The following MAP3K20 variants were observed in gnomAD, a reference collection of about 807,000 sequenced individuals.
The protein encoded by MAP3K20 is mitogen-activated protein kinase kinase kinase 20.
MAP3K20 carries 40 observed loss-of-function variants against 85.7 expected under a neutral mutation model. That is an observed-to-expected ratio of 0.47 (90% CI 0.36 to 0.61). MAP3K20 has a LOEUF of 0.61. MAP3K20 is among the 20% of genes least tolerant of loss of function. The pLI is 0.00. For synonymous variants in MAP3K20, 325 were observed against 327.7 expected, an observed-to-expected ratio of 0.99 and a Z score of 0.09; for missense variants, 817 against 961.7, an observed-to-expected ratio of 0.85 and a Z score of 1.99.
At chr2:173,179,648 G>A (rs1215783774) in intron 3 of MAP3K20, among the ~76,000 whole-genome samples, 1 of 149,182 alleles carries the variant, frequency 6.7e-6, no homozygotes, top group Non-Finnish European at 1.5e-5. Flanking sequence ...GATTGGAAAG[G>A]AAGAAATAAA....
chr2:173,157,250 T>G (rs531708817), intron 2 of MAP3K20, among the ~76,000 whole-genome samples: 1 of 152,246 alleles, frequency 6.6e-6, no homozygotes, highest in East Asian at 1.9e-4. Context: ...ACTGAAAGAC[T>G]TCAAATCCCT....
chr2:173,202,472 A>G (rs1456479269), intron 8 of MAP3K20, among the ~76,000 whole-genome samples: 3 of 152,182 alleles, frequency 2.0e-5, no homozygotes, highest in African/African-American at 7.2e-5. Context: ...ATAAGTCTTA[A>G]TACTTATTAC....
intron 15 of MAP3K20, 77 bp from the exon 16 acceptor site, chr2:173,239,327 G>T: frequency 3.6e-6 from 4 of 1,114,892 alleles, no homozygotes; most frequent in Non-Finnish European, 5.0e-6. Flanking sequence ...AAAAAAACTA[G>T]TGCCAAGATA....
chr2:173,143,979 A>C (rs1027572360), intron 2 of MAP3K20, among the ~76,000 whole-genome samples: 1 of 152,124 alleles, frequency 6.6e-6, no homozygotes, highest in Non-Finnish European at 1.5e-5. Flanking sequence ...TGGAAACTAC[A>C]AGACATTTCT....
intron 4 of MAP3K20, among the ~76,000 whole-genome samples, chr2:173,186,011 C>T (rs2106269044): frequency 6.6e-6 from 1 of 152,142 alleles, no homozygotes; most frequent in East Asian, 1.9e-4. Context: ...TCTACAAAAA[C>T]ATTAAATAGA....
At chr2:173,174,808 C>T (rs921105499) in intron 3 of MAP3K20, among the ~76,000 whole-genome samples, 4 of 152,120 alleles carry the variant, frequency 2.6e-5, no homozygotes, top group African/African-American at 9.7e-5. Flanking sequence ...TTTCGGAGTA[C>T]AATGTCTTCA....
At chr2:173,113,049 C>CT (rs1332562595) in intron 2 of MAP3K20, among the ~76,000 whole-genome samples, 1 of 151,708 alleles carries the variant, frequency 6.6e-6, no homozygotes, top group Non-Finnish European at 1.5e-5. Flanking sequence ...TGGTCCTGGA[C>CT]TTTTTTTTGT....
chr2:173,266,059 G>T lies in MAP3K20; in HGVS notation c.1712G>T (p.Cys571Phe). 1 of 1,567,548 alleles carries T rather than the reference G, an allele frequency of 6.4e-7. No individual in the cohort carries two copies. Among genetic ancestry groups the T allele is most frequent in the East Asian group, 2.3e-5 (1 of 42,748 alleles). The change falls in exon 20 of 20, where the codon TGC becomes TTC. Residue 571 changes from cysteine to phenylalanine, a missense_variant. Cys to Phe is a radical substitution (Grantham distance 205). Coordinates refer to ENST00000375213, the MANE Select transcript of MAP3K20 (RefSeq NM_016653.3). ...TCCATTTCTCCCGCAGGTGCTGATT[G>T]CCAGTGGTTAGATACTCTGAGGATG... ...PGSRSDSSADCQWLDTLRMRQ... is the reference protein window; with the variant it reads ...PGSRSDSSADFQWLDTLRMRQ...
rs1040957955 is a variant in MAP3K20, at chr2:173,106,790, A to G, written c.159+15600A>G. Among the ~76,000 whole-genome samples, 6 of 152,302 alleles carry G rather than the reference A, an allele frequency of 3.9e-5. No individual in the cohort carries two copies. In the East Asian group the frequency reaches 1.2e-3, roughly 29 times the overall value. On this transcript the variant is annotated intron_variant, in intron 2 of 19. Coordinates refer to ENST00000375213, the MANE Select transcript of MAP3K20 (RefSeq NM_016653.3). ...TATAGGAACAGGTAATGATAGGTCA[A>G]GGGATTACTGGAGTTCAGGTGCTGG...
At chr2:173,195,208 A>C (rs1342087854) in intron 7 of MAP3K20, among the ~76,000 whole-genome samples, 1 of 149,368 alleles carries the variant, frequency 6.7e-6, no homozygotes, top group East Asian at 2.2e-4. Flanking sequence ...AAAAAAAAAA[A>C]AGCTATTCTA....
intron 2 of MAP3K20, among the ~76,000 whole-genome samples, chr2:173,134,692 T>A (rs1688750034): frequency 6.6e-6 from 1 of 151,712 alleles, no homozygotes; most frequent in Admixed American, 6.6e-5. Context: ...TGTGGCAGCC[T>A]TCAGATATTT....
chr2:173,247,618 C>A (rs1466420734), intron 16 of MAP3K20, among the ~76,000 whole-genome samples: 2 of 152,144 alleles, frequency 1.3e-5, no homozygotes, highest in Admixed American at 6.5e-5. Flanking sequence ...TTCTAGAGAT[C>A]TACTGTACAG....
chr2:173,239,766 G>A (rs1218642332), intron 16 of MAP3K20, among the ~76,000 whole-genome samples: 1 of 152,124 alleles, frequency 6.6e-6, no homozygotes, highest in African/African-American at 2.4e-5. Flanking sequence ...CAGGGAAGGG[G>A]GGCCGTGGAT....
intron 2 of MAP3K20, among the ~76,000 whole-genome samples, chr2:173,155,812 C>T (rs191861379): frequency 3.2e-4 from 48 of 152,224 alleles, no homozygotes; most frequent in African/African-American, 1.0e-3. Flanking sequence ...TTAAACGGAA[C>T]CTTGATCTCT....
intron 1 of MAP3K20, among the ~76,000 whole-genome samples, chr2:173,078,338 C>T (rs1288153433): frequency 5.3e-5 from 8 of 152,020 alleles, no homozygotes; most frequent in African/African-American, 2.4e-5. Flanking sequence ...TTTATTCTAC[C>T]CAGGACAGAT....
At chr2:173,216,986 C>T (rs907199128) in intron 10 of MAP3K20, 129 bp from the exon 11 acceptor site, 10 of 900,094 alleles carry the variant, frequency 1.1e-5, no homozygotes, top group Admixed American at 4.0e-5. Flanking sequence ...CCTTCTCCTC[C>T]GGCAGTTACC....
intron 16 of MAP3K20, among the ~76,000 whole-genome samples, chr2:173,245,877 G>A (rs922572091): frequency 6.6e-6 from 1 of 152,190 alleles, no homozygotes; most frequent in Non-Finnish European, 1.5e-5. Flanking sequence ...GTTGCAGTGA[G>A]CCAGGATCGC....
intron 7 of MAP3K20, among the ~76,000 whole-genome samples, chr2:173,197,215 A>G (rs1339664861): frequency 6.6e-6 from 1 of 152,138 alleles, no homozygotes; most frequent in Non-Finnish European, 1.5e-5. Context: ...TAGTATACAA[A>G]TCTCCATTAC....
At position 173,239,472 on chromosome 2, in the gene MAP3K20, C is replaced by T; in HGVS notation, c.1335C>T (p.His445=). 1 of 1,613,148 alleles carries T rather than the reference C, an allele frequency of 6.2e-7. No homozygotes were observed. Among genetic ancestry groups the T allele is most frequent in the African/African-American group, 1.3e-5 (1 of 74,980 alleles). The change falls in exon 16 of 20, where the codon CAC becomes CAT. Residue 445 remains histidine (H), a synonymous_variant. Coordinates refer to ENST00000375213, the MANE Select transcript of MAP3K20 (RefSeq NM_016653.3). ...IVNLELVFGF[H]LKPGTGPQDC... is the part of the protein sequence containing the mutation. ...ACCTGGAACTGGTTTTTGGTTTTCACTTGAAACCAGGAACTGGCCCACAGG... is the reference window on the plus strand; with the variant it reads ...ACCTGGAACTGGTTTTTGGTTTTCATTTGAAACCAGGAACTGGCCCACAGG...
Sources: gnomAD v4.1 joint callset for allele counts (sites outside exome capture counted in the v4.1 genomes callset) on GRCh38, gnomAD v4.1.1 for gene constraint, MANE v1.5 for transcripts, NCBI Gene and HGNC (gene_info 2026-07-23, HGNC 2026-07-21) for gene names.